TMTC1: variants seen among roughly 807,000 people sequenced by gnomAD.
TMTC1 encodes the protein transmembrane O-mannosyltransferase targeting cadherins 1, also known as protein O-mannosyl-transferase TMTC1.
A neutral mutation model predicts 104.8 loss-of-function variants in TMTC1; 73 were observed. That is an observed-to-expected ratio of 0.70 (90% CI 0.58 to 0.85). The LOEUF (loss-of-function observed/expected upper bound fraction) is 0.85. TMTC1 is among the 40% of genes least tolerant of loss of function. The pLI is 0.00. For synonymous variants in TMTC1, 434 were observed against 428.7 expected (o/e 1.01, Z -0.15); for missense variants, 1,035 against 1,096.1 (o/e 0.94, Z 0.79).
At chr12:29,768,792 A>G (rs1943532253) in intron 1 of TMTC1, among the ~76,000 whole-genome samples, 1 of 152,248 alleles carries the variant, frequency 6.6e-6, no homozygotes, top group Admixed American at 6.5e-5. Flanking sequence ...AAAGAGAACC[A>G]CAAAGGGAAA....
At chr12:29,769,381 T>C (rs1336175693) in intron 1 of TMTC1, among the ~76,000 whole-genome samples, 3 of 152,174 alleles carry the variant, frequency 2.0e-5, no homozygotes, top group Non-Finnish European at 2.9e-5. Context: ...GGCAGACTCA[T>C]GAGTCTGCAC....
intron 5 of TMTC1, among the ~76,000 whole-genome samples, chr12:29,710,985 ATAT>A (rs1941909871): frequency 1.8e-5 from 1 of 55,910 alleles, no homozygotes; most frequent in Non-Finnish European, 4.7e-5. Flanking sequence ...AAATATATAT[ATAT>A]TTTTTCCCCC....
At chr12:29,641,567 C>T (rs538727143) in intron 5 of TMTC1, among the ~76,000 whole-genome samples, 8 of 152,202 alleles carry the variant, frequency 5.3e-5, no homozygotes, top group South Asian at 2.1e-4. Flanking sequence ...GGGAACACAC[C>T]GTGGGACAAA....
intron 5 of TMTC1, among the ~76,000 whole-genome samples, chr12:29,649,727 A>T (rs1939429777): frequency 6.6e-6 from 1 of 152,334 alleles, no homozygotes; most frequent in East Asian, 1.9e-4. Context: ...TGAAGACAGA[A>T]AATTGGACAA....
rs529807496 is a variant in TMTC1 at position 29,582,705 on chromosome 12, T to G, written c.1418+702A>C. 8.5e-5 allele frequency among the ~76,000 whole-genome samples: 13 copies of G among 152,276 alleles called. No individual in the cohort carries two copies. The South Asian group carries it at 2.7e-3, about 32-fold the overall frequency. On this transcript the variant is annotated intron_variant, in intron 8 of 17. Coordinates refer to ENST00000539277, the MANE Select transcript of TMTC1 (RefSeq NM_001193451.2). ...CAATTGTTTGCCCCCAAAGAATAAGTGTTGGGTACCAGCTAATCAGGAAAC... is the reference window on the plus strand; with the variant it reads ...CAATTGTTTGCCCCCAAAGAATAAGGGTTGGGTACCAGCTAATCAGGAAAC...
chr12:29,690,221 ACAGACT>A (rs1406367156), intron 5 of TMTC1, among the ~76,000 whole-genome samples: 1 of 152,234 alleles, frequency 6.6e-6, no homozygotes, highest in Non-Finnish European at 1.5e-5. Context: ...AACTAGAGTA[ACAGACT>A]CAGAGGAAGA....
intron 6 of TMTC1, among the ~76,000 whole-genome samples, chr12:29,615,231 A>AC (rs1946946703): frequency 6.6e-6 from 1 of 152,178 alleles, no homozygotes; most frequent in Non-Finnish European, 1.5e-5. Flanking sequence ...AAGTGCAGCC[A>AC]TTTTTTAGCA....
chr12:29,513,856 C>A (rs1175738842), intron 16 of TMTC1, among the ~76,000 whole-genome samples: 1 of 152,072 alleles, frequency 6.6e-6, no homozygotes, highest in Admixed American at 6.6e-5. Context: ...ATAAACTATG[C>A]AAGGATTTGT....
chr12:29,551,787 CTT>C (rs34656608), intron 10 of TMTC1, among the ~76,000 whole-genome samples: 2,512 of 139,168 alleles, frequency 0.018, 65 homozygotes, highest in African/African-American at 0.061. Flanking sequence ...TTTCTTTCTT[CTT>C]TTTTTTTTTT....
chr12:29,652,878 A>G (rs1432977299), intron 5 of TMTC1, among the ~76,000 whole-genome samples: 1 of 152,196 alleles, frequency 6.6e-6, no homozygotes, highest in African/African-American at 2.4e-5. Flanking sequence ...CCTGACCAAC[A>G]TGGTGAAACC....
At chr12:29,747,124 G>A (rs1229828978) in intron 5 of TMTC1, among the ~76,000 whole-genome samples, 3 of 152,078 alleles carry the variant, frequency 2.0e-5, no homozygotes, top group Non-Finnish European at 4.4e-5. Flanking sequence ...TATATATGAA[G>A]AATGAGTATA....
At chr12:29,534,583 C>T (rs1050324453) in intron 11 of TMTC1, 5 of 152,178 alleles carry the variant, frequency 3.3e-5, no homozygotes, top group African/African-American at 1.2e-4. Flanking sequence ...TTAAATAAGC[C>T]ATCTGACACT....
intron 5 of TMTC1, among the ~76,000 whole-genome samples, chr12:29,657,788 A>C (rs1407505661): frequency 1.3e-5 from 2 of 152,220 alleles, no homozygotes; most frequent in Admixed American, 6.5e-5. Flanking sequence ...AATGATATAA[A>C]GCAAAGATCA....
intron 5 of TMTC1, among the ~76,000 whole-genome samples, chr12:29,702,557 G>A (rs896833703): frequency 3.3e-5 from 5 of 152,144 alleles, no homozygotes; most frequent in Admixed American, 2.6e-4. Flanking sequence ...CCAGGACAGG[G>A]GTTGCAGCTT....
chr12:29,572,562 T>G (rs1399464835), intron 8 of TMTC1, among the ~76,000 whole-genome samples: 1 of 152,286 alleles, frequency 6.6e-6, no homozygotes, highest in South Asian at 2.1e-4. Context: ...GAGGCTTTTT[T>G]TTGGGAGCAT....
At chr12:29,517,958 G>A (rs1251727209) in intron 13 of TMTC1, among the ~76,000 whole-genome samples, 3 of 152,068 alleles carry the variant, frequency 2.0e-5, no homozygotes, top group Admixed American at 6.6e-5. Context: ...CAGGTGATTC[G>A]ACCATCTTGG....
intron 10 of TMTC1, among the ~76,000 whole-genome samples, chr12:29,545,080 C>T (rs1422393732): frequency 6.6e-6 from 1 of 152,100 alleles, no homozygotes; most frequent in East Asian, 1.9e-4. Context: ...GCTAACTCCA[C>T]TTGCTCCTTT....
rs938313847 is a variant in TMTC1 at position 29,725,257 on chromosome 12, C to A, written c.938+26409G>T. On this transcript the variant is annotated intron_variant, in intron 5 of 17. Coordinates refer to ENST00000539277, the MANE Select transcript of TMTC1 (RefSeq NM_001193451.2). ...GGCCAGGCTGGTCTCGAACTTGTGA[C>A]CTCATGTGATCCACCCACCTTGCCC... Among the ~76,000 whole-genome samples the A allele has an allele frequency of 4.0e-5, 6 of 151,788 alleles. No homozygotes were observed. In the East Asian group the frequency reaches 9.7e-4, roughly 25 times the overall value.
chr12:29,775,236 TGTGTTTG>T lies in TMTC1; in HGVS notation c.303-7168_303-7162del, dbSNP rs779514711. On this transcript the variant is annotated intron_variant, in intron 1 of 17. Transcript: ENST00000539277. ...AATTTTTAGCATTTTTTTTTAAATG[TGTGTTTG>T]GTGTTTGGTGGAGTGCCTGATTGTA... Among the ~76,000 whole-genome samples, 5 of 152,266 alleles carry T rather than the reference TGTGTTTG, an allele frequency of 3.3e-5. No homozygotes were observed. The South Asian group carries it at 1.0e-3, about 32-fold the overall frequency.
Sources: gnomAD v4.1 joint callset for allele counts (sites outside exome capture counted in the v4.1 genomes callset) on GRCh38, gnomAD v4.1.1 for gene constraint, MANE v1.5 for transcripts, NCBI Gene and HGNC (gene_info 2026-07-23, HGNC 2026-07-21) for gene names.